Variants in ULK2 observed in about 807,000 individuals in gnomAD.
The protein encoded by ULK2 is serine/threonine-protein kinase ULK2.
ULK2 carries 76 observed loss-of-function variants against 127.5 expected under a neutral mutation model. That is an observed-to-expected ratio of 0.60 (90% CI 0.50 to 0.72). ULK2 has a LOEUF of 0.72. Ranked by LOEUF, ULK2 falls within the 30% of genes least tolerant of loss-of-function variation. The pLI is 0.00. For synonymous variants in ULK2, 452 were observed against 461.9 expected (o/e 0.98, Z 0.28); for missense variants, 1,144 against 1,295.9 (o/e 0.88, Z 1.80).
intron 8 of ULK2, 64 bp downstream of exon 8, chr17:19,843,057 A>G (rs887181944): frequency 3.9e-6 from 5 of 1,294,384 alleles, no homozygotes; most frequent in Non-Finnish European, 5.6e-6. Context: ...CATTTTACAA[A>G]TCAAACGCAA....
rs540910964 is a variant in ULK2, at chr17:19,797,640, G to A, written c.1565C>T (p.Ser522Leu). The stretch of plus-strand genomic sequence containing the variant: ...GGGGGCGCTCTGCAGTCTAGCACCC[G>A]ATAAGAGAGACTGTGGGGACTGAGC... ...PQAQSPQSLL[S>L]GARLQSAPTL... Residue 522 changes from serine to leucine, a missense_variant, in exon 18 of 27, where the codon TCG becomes TTG. Around this residue, in one of 2 missense-constraint regions of ULK2, gnomAD observed 913 missense variants for 970.5 expected, o/e 0.94. Coordinates refer to ENST00000395544, the MANE Select transcript of ULK2 (RefSeq NM_014683.4). 93 of 1,592,772 alleles carry A rather than the reference G, an allele frequency of 5.8e-5. No homozygotes were observed. The Middle Eastern group carries it at 8.4e-4, about 14-fold the overall frequency.
chr17:19,852,661 C>T, intron 3 of ULK2, among the ~76,000 whole-genome samples: 2 of 146,786 alleles, frequency 1.4e-5, no homozygotes, highest in Non-Finnish European at 3.0e-5. Flanking sequence ...GACAGATTCT[C>T]GCTCTGTGGC....
chr17:19,841,491 A>G lies in ULK2; in HGVS notation c.702T>C (p.Pro234=). The G allele has an allele frequency of 6.3e-7, 1 of 1,593,628 alleles. No homozygotes were observed. The change falls in exon 9 of 27, where the codon CCT becomes CCC. Residue 234 remains proline (P), a splice_region_variant and synonymous_variant. Coordinates refer to ENST00000395544, the MANE Select transcript of ULK2 (RefSeq NM_014683.4). ...MFYEKNRSLM[P]SIPRETSPYL... Reference sequence around the variant, plus strand: ...CCCAGTGTAATCTAAACACATACCTAGGCATTAAGCTCCTGTTTTTTTCAT... The same window carrying G: ...CCCAGTGTAATCTAAACACATACCTGGGCATTAAGCTCCTGTTTTTTTCAT...
chr17:19,847,039 ATT>A, intron 5 of ULK2, 129 bp from the exon 6 acceptor site: 2 of 855,834 alleles, frequency 2.3e-6, no homozygotes, highest in Non-Finnish European at 3.3e-6. Context: ...ACATTTATTT[ATT>A]TTTTTAACTT....
chr17:19,797,573 T>C lies in ULK2; in HGVS notation c.1632A>G (p.Lys544=), dbSNP rs2087300277. 14 of 1,613,728 alleles carry C rather than the reference T, an allele frequency of 8.7e-6. No individual in the cohort carries two copies. The highest frequency in any genetic ancestry group is 1.2e-5 in the Non-Finnish European group (14 of 1,179,996). Residue 544 remains lysine, a synonymous_variant, in exon 18 of 27, where the codon AAA becomes AAG. Transcript: ENST00000395544. The part of the protein sequence containing the change: ...DIYQNKQKLR[K]QHSDPVCPSH... ...ATGGGCACACGGGGTCAGAGTGCTG[T>C]TTTCTGAGCTTCTGCTTGTTCTGAT...
intron 20 of ULK2, among the ~76,000 whole-genome samples, chr17:19,794,232 T>C (rs921362927): frequency 9.2e-5 from 14 of 152,060 alleles, no homozygotes; most frequent in African/African-American, 3.4e-4. Context: ...CTAAGAACAA[T>C]GGAGCCAGTG....
chr17:19,786,093 C>CA lies in ULK2; in HGVS notation c.2102-8dup. ...CCACAGGCTCCTGCCGGAGCTACAA[C>CA]AAAAAGTTTATAGAAGGTCATATTA... On this transcript the variant is annotated splice_polypyrimidine_tract_variant and splice_region_variant and intron_variant, in intron 20 of 26. Transcript: ENST00000395544. 1 of 1,558,462 alleles carries CA rather than the reference C, an allele frequency of 6.4e-7. No individual in the cohort carries two copies. The highest frequency in any genetic ancestry group is 1.2e-5 in the South Asian group (1 of 82,100).
At chr17:19,853,331 T>A (rs1403211842) in intron 3 of ULK2, among the ~76,000 whole-genome samples, 3 of 151,282 alleles carry the variant, frequency 2.0e-5, no homozygotes, top group Non-Finnish European at 4.4e-5. Flanking sequence ...AGAGACGGGG[T>A]TTTGCCACGT....
At chr17:19,853,461 A>C (rs2042060679) in intron 3 of ULK2, among the ~76,000 whole-genome samples, 1 of 151,200 alleles carries the variant, frequency 6.6e-6, no homozygotes, top group Admixed American at 6.6e-5. Flanking sequence ...CTAAACCCAA[A>C]TCCTCACATC....
rs183040646 is a variant in ULK2 at position 19,834,416 on chromosome 17, G to T, written c.787+4085C>A. 2.0e-5 allele frequency among the ~76,000 whole-genome samples: 3 copies of T among 151,908 alleles called. No individual in the cohort carries two copies. The East Asian group carries it at 5.8e-4, about 29-fold the overall frequency. On this transcript the variant is annotated intron_variant, in intron 10 of 26. Transcript: ENST00000395544. ...AATAATTATAAAATTGTACTATTGG[G>T]CTTTGTAACATACAAAGATTAATAT...
In ULK2 at chr17:19,776,480, C is replaced by T. The variant is rs904326292; in HGVS notation, c.3053-73G>A. 10 of 1,331,480 alleles carry T rather than the reference C, an allele frequency of 7.5e-6. No homozygotes were observed. In the Admixed American group the frequency reaches 1.2e-4, roughly 16 times the overall value. 82.5% of individuals were successfully genotyped at this position (1,331,480 alleles called of 1,614,324 possible). On this transcript the variant is annotated intron_variant, in intron 26 of 26. Transcript: ENST00000395544. The stretch of plus-strand genomic sequence containing the variant: ...TATTGTCATCTCTATTCTATCTTTG[C>T]CCCAAAGTTAACAGTTCTGAATATG...
chr17:19,788,543 G>A (rs2087084703), intron 20 of ULK2, among the ~76,000 whole-genome samples: 1 of 151,848 alleles, frequency 6.6e-6, no homozygotes, highest in Admixed American at 6.6e-5. Context: ...AGAGTCCTCG[G>A]GCCCTGAATA....
chr17:19,822,987 G>C (rs2041196506), intron 12 of ULK2, among the ~76,000 whole-genome samples: 1 of 148,010 alleles, frequency 6.8e-6, no homozygotes, highest in South Asian at 2.1e-4. Context: ...CACCCAGCCG[G>C]ATTTTTTTTT....
Position 19,781,889 on chromosome 17 carries a change from C to G in ULK2, c.2639G>C (p.Gly880Ala). ...AAATGAATGACAAGGGGGCACCCAC[C>G]CCCAGTCTTTGCTCAGCTGACTGAT... ...DQISQLSKDWGRVEQLVLYMK... is the reference protein window; with the variant it reads ...DQISQLSKDWARVEQLVLYMK... Residue 880 changes from glycine to alanine, a missense_variant and splice_region_variant, in exon 23 of 27, where the codon GGG becomes GCG. Transcript: ENST00000395544. The G allele has an allele frequency of 6.2e-7, 1 of 1,612,156 alleles. No homozygotes were observed. The highest frequency in any genetic ancestry group is 8.5e-7 in the Non-Finnish European group (1 of 1,179,142).
chr17:19,866,374 G>A (rs1256100145), intron 1 of ULK2, among the ~76,000 whole-genome samples: 1 of 152,006 alleles, frequency 6.6e-6, no homozygotes, highest in African/African-American at 2.4e-5. Context: ...CGGGCGTGGT[G>A]GCGGGCACCT....
intron 20 of ULK2, among the ~76,000 whole-genome samples, chr17:19,786,583 G>C (rs1429342961): frequency 6.6e-6 from 1 of 151,888 alleles, no homozygotes; most frequent in African/African-American, 2.4e-5. Context: ...GCATGGTGAT[G>C]CGTGCCTGTA....
intron 5 of ULK2, among the ~76,000 whole-genome samples, chr17:19,848,531 C>T (rs2041945177): frequency 6.6e-6 from 1 of 152,106 alleles, no homozygotes; most frequent in Admixed American, 6.6e-5. Context: ...GTAATCCCAG[C>T]ACTTTGGGAG....
At chr17:19,802,688 G>A (rs962280290) in intron 15 of ULK2, among the ~76,000 whole-genome samples, 7 of 152,150 alleles carry the variant, frequency 4.6e-5, no homozygotes, top group South Asian at 2.1e-4. Context: ...ACTGTGACAC[G>A]TTTCTTTGAT....
Position 19,775,469 on chromosome 17 carries a change from A to G in ULK2, c.*880T>C, listed in dbSNP as rs978733695. 3.3e-5 allele frequency: 5 copies of G among 152,598 alleles called. No homozygotes were observed. Among genetic ancestry groups the G allele is most frequent in the Admixed American group, 1.3e-4 (2 of 15,276 alleles). 9.5% of individuals were successfully genotyped at this position (152,598 alleles called of 1,614,324 possible). On this transcript the variant is annotated 3_prime_UTR_variant, in exon 27 of 27. Transcript: ENST00000395544. ...AATAAACCTAGCCTTTAATAAACCT[A>G]AGGTCACAGGCATCAATGTACATTC...
Sources: allele counts gnomAD v4.1 joint callset (sites outside exome capture counted in the v4.1 genomes callset), GRCh38; gene constraint gnomAD v4.1.1; regional missense constraint gnomAD v4.1.1; transcripts MANE v1.5; gene names NCBI Gene and HGNC (gene_info 2026-07-23, HGNC 2026-07-21).